The following LHX6 variants were observed in gnomAD, a reference collection of about 807,000 sequenced individuals.
The protein encoded by LHX6 is LIM homeobox 6, also known as LIM/homeobox protein Lhx6.
Under a neutral mutation model 47.1 loss-of-function variants are expected in LHX6, and 15 were observed. The ratio of observed to expected loss-of-function variants is 0.32; its 90% CI spans 0.21 to 0.49. The LOEUF (loss-of-function observed/expected upper bound fraction) is 0.49, where lower values mean the gene tolerates loss of function less well. Among genes scored for constraint, LHX6 ranks in the 20% least tolerant of loss-of-function variants. The pLI, the probability that LHX6 is intolerant of heterozygous loss-of-function variation, is 0.99. For missense variants in LHX6, 404 were observed against 539.6 expected (o/e 0.75, Z 2.49); for synonymous variants, 242 against 233.5 (o/e 1.04, Z -0.33).
At chr9:122,219,308 G>C (rs571039030) in intron 4 of LHX6, among the ~76,000 whole-genome samples, 1 of 152,224 alleles carries the variant, frequency 6.6e-6, no homozygotes, top group South Asian at 2.1e-4. Flanking sequence ...CTCAGGAGGC[G>C]CAGAGCACCT....
Position 122,214,641 on chromosome 9 carries a change from T to A in LHX6, c.683-258A>T, listed in dbSNP as rs144882007. On this transcript the variant is annotated intron_variant, in intron 5 of 9. Coordinates refer to ENST00000394319, the MANE Select transcript of LHX6 (RefSeq NM_014368.5). This position sits in a 1 kb window ranked among gnomAD's most constrained non-coding sequence, Gnocchi z 4.6. ...AGAGGTGGCGTTACCTCATTATACA[T>A]GGGAGGAAACTGAGGCTCAGAGAGA... Among the ~76,000 whole-genome samples the A allele has an allele frequency of 1.9e-4, 29 of 152,192 alleles. No individual in the cohort carries two copies. Among genetic ancestry groups the A allele is most frequent in the African/African-American group, 7.0e-4 (29 of 41,524 alleles).
At position 122,228,836 on chromosome 9, in the gene LHX6, A is replaced by G. The variant is rs905950800; in HGVS notation, c.-96T>C. ...TGGGAGCAGAGGCTGCTGCAGGAGCAGGAGGAGAGCCGAGGCGCCGGCCCC... is the reference window on the plus strand; with the variant it reads ...TGGGAGCAGAGGCTGCTGCAGGAGCGGGAGGAGAGCCGAGGCGCCGGCCCC... On this transcript the variant is annotated 5_prime_UTR_variant, in exon 1 of 10. Coordinates refer to ENST00000394319, the MANE Select transcript of LHX6 (RefSeq NM_014368.5). 10 of 859,206 alleles carry G rather than the reference A, an allele frequency of 1.2e-5. No homozygotes were observed. The African/African-American group carries it at 1.8e-4, about 15-fold the overall frequency. 53.2% of individuals were successfully genotyped at this position (859,206 alleles called of 1,614,324 possible). A position where few individuals can be genotyped will look rare whatever the true frequency, so the allele number is the denominator to read the frequency against.
intron 9 of LHX6, among the ~76,000 whole-genome samples, chr9:122,207,030 A>G (rs1335700504): frequency 1.3e-5 from 2 of 152,136 alleles, no homozygotes; most frequent in Non-Finnish European, 2.9e-5. Context: ...CTGCAATGTA[A>G]CTGCCCACAC....
Position 122,214,159 on chromosome 9 carries a change from C to A in LHX6, c.784-90G>T. The A allele has an allele frequency of 7.0e-7, 1 of 1,430,670 alleles. No homozygotes were observed. The highest frequency in any genetic ancestry group is 2.6e-5 in the East Asian group (1 of 38,688). The allele number at this position is 1,430,670 out of a possible 1,614,324, so 88.6% of individuals were successfully genotyped here. ...CGGCGCCAGTCCACAGGCCACGCCC[C>A]AGGCAGCTGCGGCCCCGCCCCGCCA... is the stretch of plus-strand genomic sequence containing the variant. On this transcript the variant is annotated intron_variant, in intron 6 of 9. Coordinates refer to ENST00000394319, the MANE Select transcript of LHX6 (RefSeq NM_014368.5). This position sits in a 1 kb window ranked among gnomAD's most constrained non-coding sequence, Gnocchi z 4.6.
At position 122,217,822 on chromosome 9, in the gene LHX6, T is replaced by C. The variant is rs762983100; in HGVS notation, c.462-534A>G. On this transcript the variant is annotated intron_variant, in intron 4 of 9. Transcript: ENST00000394319. This position sits in a 1 kb window ranked among gnomAD's most constrained non-coding sequence, Gnocchi z 4.9. Reference sequence around the variant, plus strand: ...CCAGCTGTACAGAAGTGCAGTTTCTTAGATGAACAGACAGATAAGCACTTA... The same window carrying C: ...CCAGCTGTACAGAAGTGCAGTTTCTCAGATGAACAGACAGATAAGCACTTA... Among the ~76,000 whole-genome samples the C allele has an allele frequency of 9.9e-5, 15 of 152,174 alleles. No individual in the cohort carries two copies. Among genetic ancestry groups the C allele is most frequent in the African/African-American group, 1.4e-4 (6 of 41,440 alleles).
At chr9:122,221,119 G>T (rs1351030674) in intron 4 of LHX6, 2 of 985,468 alleles carry the variant, frequency 2.0e-6, no homozygotes, top group Non-Finnish European at 2.4e-6. Flanking sequence ...CCTTCTTGAA[G>T]GCTTTAGATC....
rs1379242435 is a variant in LHX6, at chr9:122,214,219, AT to A, written c.783+63del. ...GGCCCGAGGGGCGGAGCCAGGAGAC[AT>A]TGTCGGCCCCGCCCACTTTCGGCCC... On this transcript the variant is annotated intron_variant, in intron 6 of 9. Transcript: ENST00000394319. The surrounding 1 kb of genome is among the most constrained non-coding windows in gnomAD (Gnocchi z 4.6). 1 of 1,208,222 alleles carries A rather than the reference AT, an allele frequency of 8.3e-7. No individual in the cohort carries two copies. The highest frequency in any genetic ancestry group is 1.6e-5 in the African/African-American group (1 of 61,318). The allele number at this position is 1,208,222 out of a possible 1,614,324, so 74.8% of individuals were successfully genotyped here.
intron 1 of LHX6, 165 bp downstream of exon 1, chr9:122,228,492 C>CT (rs909067660): frequency 2.2e-6 from 3 of 1,335,338 alleles, no homozygotes; most frequent in Non-Finnish European, 2.9e-6. Context: ...CGCGACCCCC[C>CT]CCCCCCGCTC....
chr9:122,221,086 G>A (rs1215976369), intron 4 of LHX6: 2 of 985,298 alleles, frequency 2.0e-6, no homozygotes, highest in African/African-American at 1.7e-5. Flanking sequence ...TCAAACGGAG[G>A]TTCACTTATT....
chr9:122,217,082 C>T lies in LHX6; in HGVS notation c.668G>A (p.Arg223Lys), dbSNP rs749060535. The T allele has an allele frequency of 1.9e-6, 3 of 1,614,090 alleles. No homozygotes were observed. The South Asian group carries it at 3.3e-5, about 18-fold the overall frequency. ...HYDTMIENLK[R>K]AAENGNGLTL... is the part of the protein sequence containing the mutation. ...AGGTTGGGTACCGTTCTCGGCGGCCCTCTTGAGGTTCTCAATCATGGTGTC... is the reference window on the plus strand; with the variant it reads ...AGGTTGGGTACCGTTCTCGGCGGCCTTCTTGAGGTTCTCAATCATGGTGTC... The change falls in exon 5 of 10, where the codon AGG becomes AAG. Residue 223 changes from arginine (R) to lysine (K), a missense_variant. Arg to Lys is a conservative substitution (Grantham distance 26). This residue lies in a region of LHX6 where 43 missense variants were observed against 84.7 expected (regional missense o/e 0.51). Transcript: ENST00000394319. This position sits in a 1 kb window ranked among gnomAD's most constrained non-coding sequence, Gnocchi z 4.9.
chr9:122,214,844 G>T lies in LHX6; in HGVS notation c.683-461C>A, dbSNP rs544543774. Among the ~76,000 whole-genome samples the T allele has an allele frequency of 2.0e-5, 3 of 152,188 alleles. No individual in the cohort carries two copies. The highest frequency in any genetic ancestry group is 7.2e-5 in the African/African-American group (3 of 41,452). ...ATAAAAATAAGCGGAAGGAAAAAAG[G>T]TTGTAAGAATATACAACAAGGTGTT... On this transcript the variant is annotated intron_variant, in intron 5 of 9. Coordinates refer to ENST00000394319, the MANE Select transcript of LHX6 (RefSeq NM_014368.5). The surrounding 1 kb of genome is among the most constrained non-coding windows in gnomAD (Gnocchi z 4.6).
intron 4 of LHX6, chr9:122,221,607 T>A (rs996749923): frequency 1.0e-6 from 1 of 985,168 alleles, no homozygotes; most frequent in African/African-American, 1.8e-5. Flanking sequence ...AACCCTTTAC[T>A]CCCCACTCCC....
At chr9:122,227,085 C>T in intron 2 of LHX6, 55 bp from the exon 3 acceptor site, 1 of 1,432,822 alleles carries the variant, frequency 7.0e-7, no homozygotes, top group South Asian at 1.5e-5. Flanking sequence ...AGAGTTGGGG[C>T]TGCCTTGGAG....
In LHX6 at chr9:122,213,893, C is replaced by A. The variant is rs1830487434; in HGVS notation, c.879+81G>T. ...TCCTGGAGAAGGATGGCCACGTGCA[C>A]GCACCACCCTCCGCGCCGAGCCCAG... is the stretch of plus-strand genomic sequence containing the variant. On this transcript the variant is annotated intron_variant, in intron 7 of 9. Coordinates refer to ENST00000394319, the MANE Select transcript of LHX6 (RefSeq NM_014368.5). This position sits in a 1 kb window ranked among gnomAD's most constrained non-coding sequence, Gnocchi z 5.5. The A allele has an allele frequency of 2.0e-6, 3 of 1,518,590 alleles. No individual in the cohort carries two copies. The highest frequency in any genetic ancestry group is 1.8e-6 in the Non-Finnish European group (2 of 1,120,712). The allele number at this position is 1,518,590 out of a possible 1,614,324, so 94.1% of individuals were successfully genotyped here.
At position 122,228,864 on chromosome 9, in the gene LHX6, C is replaced by G; in HGVS notation, c.-124G>C. 1.8e-6 allele frequency: 1 copy of G among 544,400 alleles called. No homozygotes were observed. Among genetic ancestry groups the G allele is most frequent in the Non-Finnish European group, 2.6e-6 (1 of 389,330 alleles). 33.7% of individuals were successfully genotyped at this position (544,400 alleles called of 1,614,324 possible). A position where few individuals can be genotyped will look rare whatever the true frequency, so the allele number is the denominator to read the frequency against. The stretch of plus-strand genomic sequence containing the variant: ...AGGAGAGCCGAGGCGCCGGCCCCGC[C>G]GCCCCGGGCCCGGCCTCAGCCCCCG... On this transcript the variant is annotated 5_prime_UTR_variant, in exon 1 of 10. Coordinates refer to ENST00000394319, the MANE Select transcript of LHX6 (RefSeq NM_014368.5).
chr9:122,227,294 C>T, intron 2 of LHX6, 115 bp downstream of exon 2: 1 of 1,124,622 alleles, frequency 8.9e-7, no homozygotes, highest in Non-Finnish European at 1.2e-6. Flanking sequence ...GGGGCGGCGC[C>T]CGCCGGGAGT....
At chr9:122,222,690 C>G (rs1473193298) in intron 4 of LHX6, among the ~76,000 whole-genome samples, 1 of 152,214 alleles carries the variant, frequency 6.6e-6, no homozygotes, top group East Asian at 1.9e-4. Context: ...CCCTGAGCCA[C>G]CAGTGCTAGC....
chr9:122,211,326 C>T (rs1050349056), intron 8 of LHX6, among the ~76,000 whole-genome samples: 1 of 152,156 alleles, frequency 6.6e-6, no homozygotes, highest in Non-Finnish European at 1.5e-5. Flanking sequence ...CTGGGGTGTT[C>T]AAGGAGTCCA....
chr9:122,211,939 G>GA (rs1217730857), intron 8 of LHX6, among the ~76,000 whole-genome samples: 1 of 152,158 alleles, frequency 6.6e-6, no homozygotes, highest in Non-Finnish European at 1.5e-5. Context: ...GTTTAGAAAA[G>GA]AAAGGGGGAA....
Sources: allele counts gnomAD v4.1 joint callset (sites outside exome capture counted in the v4.1 genomes callset), GRCh38; gene constraint gnomAD v4.1.1; regional missense constraint gnomAD v4.1.1; non-coding constraint Gnocchi (gnomAD v3.1); transcripts MANE v1.5; gene names NCBI Gene and HGNC (gene_info 2026-07-23, HGNC 2026-07-21).